Variants in METTL22 observed in about 807,000 individuals in gnomAD.
METTL22 encodes the protein methyltransferase 22, Kin17 lysine.
In METTL22, 51 loss-of-function variants were observed where a neutral mutation model predicts 48.4. The observed-to-expected ratio is 1.05, with a 90% CI of 0.84 to 1.33. METTL22 has a LOEUF of 1.33. Among genes scored for constraint, METTL22 ranks in the 40% most tolerant of loss-of-function variants. The probability of loss-of-function intolerance (pLI) is 0.00; values close to 1 mark genes in which losing one functional copy is unlikely to be tolerated. For synonymous variants in METTL22, 255 were observed against 214.1 expected (o/e 1.19, Z -1.67); for missense variants, 678 against 526.9 (o/e 1.29, Z -2.81).
Position 8,646,841 on chromosome 16 carries a change from T to G in METTL22, c.*698T>G. 1 of 374,552 alleles carries G rather than the reference T, an allele frequency of 2.7e-6. No individual in the cohort carries two copies. The highest frequency in any genetic ancestry group is 2.0e-5 in the South Asian group (1 of 50,140). The allele number at this position is 374,552 out of a possible 1,614,324, so 23.2% of individuals were successfully genotyped here. On this transcript the variant is annotated 3_prime_UTR_variant, in exon 11 of 11. Coordinates refer to ENST00000381920, the MANE Select transcript of METTL22 (RefSeq NM_024109.4). ...CCTGGACTCATTTTCCCTCCGCCCC[T>G]TGGTCTCTCTGTCTTATCACGTGTG...
intron 1 of METTL22, 46 bp from the exon 2 acceptor site, chr16:8,625,450 A>C (rs910048028): frequency 7.2e-5 from 29 of 401,150 alleles, no homozygotes; most frequent in Non-Finnish European, 1.1e-4. Context: ...TAAAATGAAT[A>C]TAATGAGTGA....
Position 8,629,080 on chromosome 16 carries a change from C to T in METTL22, c.484C>T (p.Gln162Ter). ...EEDDVLGEEA[Q>*]GSPHDIIRIE... Reference sequence around the variant, plus strand: ...AGACGACGTCCTGGGAGAGGAAGCACAAGGCAGCCCGCACGATATCATCAG... The same window carrying T: ...AGACGACGTCCTGGGAGAGGAAGCATAAGGCAGCCCGCACGATATCATCAG... Residue 162 changes from glutamine to a stop codon, truncating the protein, a stop_gained, in exon 3 of 11, where the codon CAA (glutamine) becomes TAA (stop). Coordinates refer to ENST00000381920, the MANE Select transcript of METTL22 (RefSeq NM_024109.4). LOFTEE classifies it high-confidence loss of function. 1.2e-6 allele frequency: 2 copies of T among 1,613,618 alleles called. No individual in the cohort carries two copies. Among genetic ancestry groups the T allele is most frequent in the Non-Finnish European group, 8.5e-7 (1 of 1,179,994 alleles).
chr16:8,624,088 A>C (rs1294025036), intron 1 of METTL22: 4 of 152,238 alleles, frequency 2.6e-5, no homozygotes, highest in African/African-American at 7.2e-5. Flanking sequence ...AGAGAGGCGA[A>C]GTGATTTTCC....
chr16:8,628,803 C>T lies in METTL22; in HGVS notation c.207C>T (p.His69=), dbSNP rs1269818007. Residue 69 remains histidine, a synonymous_variant, in exon 3 of 11, where the codon CAC becomes CAT. Coordinates refer to ENST00000381920, the MANE Select transcript of METTL22 (RefSeq NM_024109.4). ...WTDSGAKGGS[H]RDVHTKEPPS... ...ATTCAGGAGCCAAGGGTGGCAGTCACAGAGATGTTCACACAAAGGAGCCTC... is the reference window on the plus strand; with the variant it reads ...ATTCAGGAGCCAAGGGTGGCAGTCATAGAGATGTTCACACAAAGGAGCCTC... 1.9e-6 allele frequency: 3 copies of T among 1,614,192 alleles called. No individual in the cohort carries two copies. The highest frequency in any genetic ancestry group is 1.7e-5 in the Admixed American group (1 of 60,038).
chr16:8,658,304 G>A, the METTL22 span, among the ~76,000 whole-genome samples: 1 of 152,218 alleles, frequency 6.6e-6, no homozygotes, highest in Non-Finnish European at 1.5e-5. Flanking sequence ...CACCTTGATT[G>A]CGGACTTCTG....
At chr16:8,626,662 T>C (rs997374017) in intron 2 of METTL22, among the ~76,000 whole-genome samples, 3 of 150,618 alleles carry the variant, frequency 2.0e-5, no homozygotes, top group African/African-American at 7.3e-5. Context: ...TTGGTCAGGC[T>C]GGTCTTGAAC....
rs776492791 is a variant in METTL22 at position 8,642,488 on chromosome 16, T to C, written c.933T>C (p.Asp311=). 6.2e-7 allele frequency: 1 copy of C among 1,614,228 alleles called. No homozygotes were observed. Among genetic ancestry groups the C allele is most frequent in the Non-Finnish European group, 8.5e-7 (1 of 1,180,044 alleles). The change falls in exon 9 of 11, where the codon GAT becomes GAC. Residue 311 remains aspartate (D), a synonymous_variant. Coordinates refer to ENST00000381920, the MANE Select transcript of METTL22 (RefSeq NM_024109.4). ...TGTTTTACGACGACGACTTGACTGA[T>C]GCTGTGTTTAAAACGCTCTCCCGAC... ...AEVFYDDDLT[D]AVFKTLSRLA...
chr16:8,645,879 C>T, intron 10 of METTL22: 2 of 1,142,376 alleles, frequency 1.8e-6, no homozygotes, highest in Non-Finnish European at 1.1e-6. Flanking sequence ...GATGCACCTT[C>T]CGTTAATGCT....
chr16:8,653,550 C>T (rs376525387), downstream of METTL22, among the ~76,000 whole-genome samples: 10 of 152,088 alleles, frequency 6.6e-5, no homozygotes, highest in Admixed American at 2.6e-4. Flanking sequence ...TTAAAGGCAG[C>T]GGAAATAAAG....
intron 5 of METTL22, among the ~76,000 whole-genome samples, chr16:8,635,868 G>A (rs546783679): frequency 3.0e-4 from 46 of 152,354 alleles, no homozygotes; most frequent in Non-Finnish European, 5.9e-5. Context: ...GGGCGCTTAC[G>A]TTGTAAGAAT....
downstream of METTL22, among the ~76,000 whole-genome samples, chr16:8,649,971 A>G (rs1216486670): frequency 1.3e-5 from 2 of 152,162 alleles, no homozygotes; most frequent in African/African-American, 4.8e-5. Context: ...GATGCTGATG[A>G]TGCTCGTCTG....
the METTL22 span, among the ~76,000 whole-genome samples, chr16:8,662,258 AAAG>A: frequency 6.9e-6 from 1 of 145,344 alleles, no homozygotes; most frequent in Non-Finnish European, 1.5e-5. Context: ...TAAAAATAGC[AAAG>A]AAGTAACAAG....
chr16:8,660,156 G>T, the METTL22 span, among the ~76,000 whole-genome samples: 1 of 119,104 alleles, frequency 8.4e-6, no homozygotes, highest in Admixed American at 9.1e-5. Flanking sequence ...AACATGGCCT[G>T]TTTTTGTTTT....
In METTL22 at chr16:8,642,151, C is replaced by T. The variant is rs2056637679; in HGVS notation, c.851C>T (p.Ser284Leu). Residue 284 changes from serine to leucine, a missense_variant, in exon 8 of 11, where the codon TCA (serine) becomes TTA (leucine). Coordinates refer to ENST00000381920, the MANE Select transcript of METTL22 (RefSeq NM_024109.4). ...GATCCCAAGGTCCCCTTCAGTTGGT[C>T]ACAAGAGGAAATTTCTGACTTGTAC... is the stretch of plus-strand genomic sequence containing the variant. ...CTDPKVPFSW[S>L]QEEISDLYDH... 2 of 1,613,764 alleles carry T rather than the reference C, an allele frequency of 1.2e-6. No individual in the cohort carries two copies. The highest frequency in any genetic ancestry group is 1.7e-6 in the Non-Finnish European group (2 of 1,179,656).
chr16:8,666,967 T>G, the METTL22 span: 1 of 151,986 alleles, frequency 6.6e-6, no homozygotes, highest in Non-Finnish European at 1.5e-5. Context: ...TTTTGTTTTT[T>G]GTATTTTTAG....
In METTL22 at chr16:8,628,655, T is replaced by G. The variant is rs778915683; in HGVS notation, c.134-75T>G. On this transcript the variant is annotated intron_variant, in intron 2 of 10. Coordinates refer to ENST00000381920, the MANE Select transcript of METTL22 (RefSeq NM_024109.4). ...AATCTTTCCTATTGGTAATCAGATA[T>G]TCTCAAAGAAGAAGAGGAAGGTAAA... 4.6e-6 allele frequency: 7 copies of G among 1,517,502 alleles called. No homozygotes were observed. In the East Asian group the frequency reaches 1.6e-4, roughly 34 times the overall value. 94.0% of individuals were successfully genotyped at this position (1,517,502 alleles called of 1,614,324 possible).
chr16:8,625,082 A>G (rs2055999559), intron 1 of METTL22, among the ~76,000 whole-genome samples: 1 of 152,182 alleles, frequency 6.6e-6, no homozygotes, highest in African/African-American at 2.4e-5. Context: ...CTTTAATGCT[A>G]TTAGGGAATT....
intron 3 of METTL22, among the ~76,000 whole-genome samples, chr16:8,629,515 G>A (rs2056183358): frequency 6.6e-6 from 1 of 152,212 alleles, no homozygotes; most frequent in South Asian, 2.1e-4. Flanking sequence ...TGGGCTGGCA[G>A]TAGGGAGCCA....
At chr16:8,627,834 C>G (rs1477169533) in intron 2 of METTL22, among the ~76,000 whole-genome samples, 1 of 152,176 alleles carries the variant, frequency 6.6e-6, no homozygotes, top group Non-Finnish European at 1.5e-5. Flanking sequence ...CAGCCTCGAC[C>G]TCCCCAGGCT....
Sources: allele counts gnomAD v4.1 joint callset (sites outside exome capture counted in the v4.1 genomes callset), GRCh38; gene constraint gnomAD v4.1.1; transcripts MANE v1.5; gene names NCBI Gene and HGNC (gene_info 2026-07-23, HGNC 2026-07-21).